Variants in TNIP3 observed in about 807,000 individuals in gnomAD.
TNIP3 encodes TNFAIP3-interacting protein 3.
TNIP3 carries 34 observed loss-of-function variants against 54.1 expected under a neutral mutation model. That is an observed-to-expected ratio of 0.63 (90% CI 0.48 to 0.84). TNIP3 has a LOEUF of 0.84. TNIP3 is among the 40% of genes least tolerant of loss of function. TNIP3 has a pLI of 0.00. For synonymous variants in TNIP3, 134 were observed against 136.8 expected (o/e 0.98, Z 0.14); for missense variants, 366 against 387.6 (o/e 0.94, Z 0.47).
At chr4:121,191,554 A>T (rs531932952) in intron 2 of TNIP3, among the ~76,000 whole-genome samples, 2 of 152,334 alleles carry the variant, frequency 1.3e-5, no homozygotes, top group Admixed American at 1.3e-4. Flanking sequence ...CACCTCATGT[A>T]ACCACATCCT....
chr4:121,153,226 AT>A (rs1729870935), intron 5 of TNIP3, among the ~76,000 whole-genome samples: 1 of 152,140 alleles, frequency 6.6e-6, no homozygotes, highest in Non-Finnish European at 1.5e-5. Context: ...GAAAAATTGT[AT>A]TTTTCTAACT....
chr4:121,217,016 G>GA (rs965425676), upstream of TNIP3, among the ~76,000 whole-genome samples: 16 of 151,120 alleles, frequency 1.1e-4, no homozygotes, highest in East Asian at 1.9e-4. Flanking sequence ...AATGGACAAT[G>GA]AAAAAAAAGA....
chr4:121,187,432 A>C (rs1725080007), intron 2 of TNIP3, among the ~76,000 whole-genome samples: 1 of 152,150 alleles, frequency 6.6e-6, no homozygotes, highest in African/African-American at 2.4e-5. Flanking sequence ...GAGGCTAGAC[A>C]CCTTCTCCCA....
At chr4:121,182,421 C>T (rs1194776778) in intron 3 of TNIP3, among the ~76,000 whole-genome samples, 1 of 152,210 alleles carries the variant, frequency 6.6e-6, no homozygotes, top group Non-Finnish European at 1.5e-5. Flanking sequence ...ATGATCTCCT[C>T]ACCTTCTTGT....
chr4:121,220,130 AT>A (rs1186573462), upstream of TNIP3, among the ~76,000 whole-genome samples: 1 of 152,206 alleles, frequency 6.6e-6, no homozygotes, highest in Non-Finnish European at 1.5e-5. Flanking sequence ...ACTTATATTA[AT>A]TTTTTAGAAA....
chr4:121,145,731 A>C (rs1230686517), intron 7 of TNIP3, among the ~76,000 whole-genome samples: 5 of 151,778 alleles, frequency 3.3e-5, no homozygotes, highest in Non-Finnish European at 7.4e-5. Flanking sequence ...GCTTTAAAAA[A>C]CAAATATTTT....
chr4:121,224,958 T>A (rs1727196541), intron 1 of TNIP3, among the ~76,000 whole-genome samples: 1 of 152,194 alleles, frequency 6.6e-6, no homozygotes, highest in African/African-American at 2.4e-5. Context: ...CCGAGAGTCA[T>A]CTGGCTGTAA....
Position 121,150,155 on chromosome 4 carries a change from A to G in TNIP3, c.557T>C (p.Val186Ala). The G allele has an allele frequency of 6.2e-7, 1 of 1,613,858 alleles. No homozygotes were observed. The highest frequency in any genetic ancestry group is 8.5e-7 in the Non-Finnish European group (1 of 1,179,902). ...FSEDCLRKSR[V>A]EFCHEEMRTE... ...TCTCATCTCCTCATGGCAGAATTCC[A>G]CTCGAGACTTCCTCAAACAGTCCTC... Residue 186 changes from valine to alanine, a missense_variant, in exon 6 of 11, where the codon GTG (valine) becomes GCG (alanine). Val to Ala is a moderately conservative substitution (Grantham distance 64). Coordinates refer to ENST00000057513, the MANE Select transcript of TNIP3 (RefSeq NM_024873.6).
chr4:121,218,557 C>T (rs1726899298), upstream of TNIP3, among the ~76,000 whole-genome samples: 1 of 151,088 alleles, frequency 6.6e-6, no homozygotes, highest in African/African-American at 2.4e-5. Flanking sequence ...TTCCTTCTTT[C>T]CTTCCTTGCT....
upstream of TNIP3, among the ~76,000 whole-genome samples, chr4:121,219,069 G>A (rs1228514920): frequency 1.3e-5 from 2 of 152,034 alleles, no homozygotes; most frequent in African/African-American, 4.8e-5. Context: ...GTGTGGTGGT[G>A]TGCACCTGTA....
chr4:121,199,926 C>A (rs1725791606), intron 2 of TNIP3, among the ~76,000 whole-genome samples: 1 of 152,152 alleles, frequency 6.6e-6, no homozygotes, highest in Non-Finnish European at 1.5e-5. Context: ...AGCCAAGACA[C>A]CTCGTGTGGG....
At chr4:121,186,263 G>A (rs144645941) in intron 2 of TNIP3, among the ~76,000 whole-genome samples, 41 of 152,298 alleles carry the variant, frequency 2.7e-4, no homozygotes, top group Non-Finnish European at 2.8e-4. Context: ...GAGAGTGGGC[G>A]TCAGTGTTGA....
chr4:121,161,683 G>A (rs1020353684), intron 1 of TNIP3, among the ~76,000 whole-genome samples: 16 of 152,168 alleles, frequency 1.1e-4, no homozygotes, highest in African/African-American at 3.6e-4. Flanking sequence ...GTAAACGTCA[G>A]AGGAACGACA....
chr4:121,162,572 A>G (rs1730517835), intron 1 of TNIP3, among the ~76,000 whole-genome samples: 1 of 152,178 alleles, frequency 6.6e-6, no homozygotes, highest in Non-Finnish European at 1.5e-5. Context: ...ACTAACTATT[A>G]AGCATCTTTG....
chr4:121,179,605 GA>G (rs1724561937), intron 3 of TNIP3, among the ~76,000 whole-genome samples: 2 of 152,048 alleles, frequency 1.3e-5, no homozygotes, highest in Non-Finnish European at 2.9e-5. Flanking sequence ...ATAGAATGAA[GA>G]AAAGGAAAAA....
Position 121,157,093 on chromosome 4 carries a change from C to A in TNIP3, c.363+1G>T. ...GGCTCGAGGACCCGGGCCCCGCCCA[C>A]CTCCTCCCGCTGCAGCCGGTCCCGG... On this transcript the variant is annotated splice_donor_variant, in intron 4 of 10. Transcript: ENST00000057513. LOFTEE classifies it high-confidence loss of function. The A allele has an allele frequency of 6.2e-7, 1 of 1,613,996 alleles. No individual in the cohort carries two copies. Among genetic ancestry groups the A allele is most frequent in the Non-Finnish European group, 8.5e-7 (1 of 1,179,998 alleles).
Position 121,157,248 on chromosome 4 carries a change from G to C in TNIP3, c.214-5C>G, listed in dbSNP as rs372245218. ...TTTCGTCTTCAGCTCTGCTACCTGAGGAGGTCGTTCAAAGACAGCTGCAGA... is the reference window on the plus strand; with the variant it reads ...TTTCGTCTTCAGCTCTGCTACCTGACGAGGTCGTTCAAAGACAGCTGCAGA... On this transcript the variant is annotated splice_region_variant and splice_polypyrimidine_tract_variant and intron_variant, in intron 3 of 10. Transcript: ENST00000057513. The C allele has an allele frequency of 3.2e-5, 52 of 1,613,958 alleles. No individual in the cohort carries two copies. The African/African-American group carries it at 6.4e-4, about 20-fold the overall frequency.
intron 2 of TNIP3, among the ~76,000 whole-genome samples, chr4:121,214,489 A>T (rs1355503915): frequency 6.6e-6 from 1 of 152,216 alleles, no homozygotes; most frequent in Non-Finnish European, 1.5e-5. Context: ...GCTCACACAA[A>T]GTCCTCAGAA....
chr4:121,135,396 T>A (rs1728722372), intron 10 of TNIP3, among the ~76,000 whole-genome samples: 3 of 152,082 alleles, frequency 2.0e-5, no homozygotes, highest in Admixed American at 1.3e-4. Flanking sequence ...TCTTCTTTTT[T>A]TTTATTTTTT....
Sources: allele counts gnomAD v4.1 joint callset (sites outside exome capture counted in the v4.1 genomes callset), GRCh38; gene constraint gnomAD v4.1.1; transcripts MANE v1.5; gene names NCBI Gene and HGNC (gene_info 2026-07-23, HGNC 2026-07-21).